ZNF146: variants seen among roughly 807,000 people sequenced by gnomAD.
The protein encoded by ZNF146 is zinc finger protein OZF.
Under a neutral mutation model 22.2 loss-of-function variants are expected in ZNF146, and 9 were observed. The ratio of observed to expected loss-of-function variants is 0.41; its 90% CI spans 0.24 to 0.71. The LOEUF (loss-of-function observed/expected upper bound fraction) is 0.71. Among genes scored for constraint, ZNF146 ranks in the 30% least tolerant of loss-of-function variants. The probability of loss-of-function intolerance (pLI) is 0.34; values close to 1 mark genes in which losing one functional copy is unlikely to be tolerated. For synonymous variants in ZNF146, 108 were observed against 119.2 expected (o/e 0.91, Z 0.61); for missense variants, 194 against 344.8 (o/e 0.56, Z 3.46).
intron 2 of ZNF146, among the ~76,000 whole-genome samples, chr19:36,218,734 C>T (rs144066199): frequency 0.058 from 8,760 of 150,992 alleles, 337 homozygotes; most frequent in Non-Finnish European, 0.086. Flanking sequence ...CTCCCAAAGT[C>T]CTGGCATTAC....
intron 2 of ZNF146, among the ~76,000 whole-genome samples, chr19:36,228,158 C>CAAAA (rs71171422): frequency 5.6e-5 from 6 of 106,628 alleles, no homozygotes; most frequent in Admixed American, 1.9e-4. Context: ...GAAACTGTCT[C>CAAAA]AAAAAAAAAA....
intron 2 of ZNF146, among the ~76,000 whole-genome samples, chr19:36,226,772 A>G (rs192987907): frequency 6.6e-6 from 1 of 152,310 alleles, no homozygotes; most frequent in African/African-American, 2.4e-5. Context: ...TCATCCCAAT[A>G]ATGTCTGCTA....
At chr19:36,221,283 G>GC (rs1976823602) in intron 2 of ZNF146, among the ~76,000 whole-genome samples, 1 of 125,300 alleles carries the variant, frequency 8.0e-6, no homozygotes, top group Non-Finnish European at 1.7e-5. Context: ...TTAAGGGACT[G>GC]CTTTTTTTTT....
In ZNF146 at chr19:36,236,641, T is replaced by C. The variant is rs1568437837; in HGVS notation, c.201T>C (p.Thr67=). The part of the protein sequence containing the change: ...QYVIKHQNTH[T]GEKLFECNEC... ...TCATTAAACATCAGAACACCCATAC[T>C]GGCGAGAAGCTTTTCGAATGTAATG... is the stretch of plus-strand genomic sequence containing the variant. Residue 67 remains threonine, a synonymous_variant, in exon 4 of 4, where the codon ACT becomes ACC. Coordinates refer to ENST00000443387, the MANE Select transcript of ZNF146 (RefSeq NM_007145.3). 6.2e-7 allele frequency: 1 copy of C among 1,614,206 alleles called. No individual in the cohort carries two copies. The highest frequency in any genetic ancestry group is 8.5e-7 in the Non-Finnish European group (1 of 1,180,034).
chr19:36,221,927 CTTTTTT>C (rs60347994), intron 2 of ZNF146, among the ~76,000 whole-genome samples: 128 of 109,894 alleles, frequency 1.2e-3, no homozygotes, highest in Middle Eastern at 0.013. Context: ...TTTTTTCTTT[CTTTTTT>C]TTTTTTTTTT....
At chr19:36,220,899 C>T (rs1159043142) in intron 2 of ZNF146, among the ~76,000 whole-genome samples, 4 of 149,594 alleles carry the variant, frequency 2.7e-5, no homozygotes, top group Non-Finnish European at 5.9e-5. Context: ...TTGCCCAGGG[C>T]AGAGTGCAGT....
chr19:36,223,752 G>A (rs955423514), intron 2 of ZNF146, among the ~76,000 whole-genome samples: 3 of 151,570 alleles, frequency 2.0e-5, no homozygotes, highest in African/African-American at 7.3e-5. Context: ...GTTTTTTGTT[G>A]TTTGATTGTT....
At chr19:36,219,812 C>T (rs539918833) in intron 2 of ZNF146, among the ~76,000 whole-genome samples, 9 of 152,012 alleles carry the variant, frequency 5.9e-5, no homozygotes, top group Admixed American at 2.6e-4. Context: ...GTAGTCTATA[C>T]GTTAAGAGAA....
At chr19:36,218,358 G>C (rs965760249) in intron 2 of ZNF146, among the ~76,000 whole-genome samples, 163 bp downstream of exon 2, 98 of 151,828 alleles carry the variant, frequency 6.5e-4, no homozygotes, top group African/African-American at 2.3e-3. Flanking sequence ...TTAAATACTA[G>C]TACTTTTTAT....
In ZNF146 at chr19:36,233,810, A is replaced by G. The variant is rs190653169; in HGVS notation, c.-782-1849A>G. ...ATATACAATCCAGCTTTACACGGAGACATTCCATTGCCCAGGGAAGAGCAG... is the reference window on the plus strand; with the variant it reads ...ATATACAATCCAGCTTTACACGGAGGCATTCCATTGCCCAGGGAAGAGCAG... On this transcript the variant is annotated intron_variant, in intron 3 of 3. Coordinates refer to ENST00000443387, the MANE Select transcript of ZNF146 (RefSeq NM_007145.3). Among the ~76,000 whole-genome samples the G allele has an allele frequency of 1.5e-3, 224 of 152,290 alleles. 1 individual carries two copies. In the Middle Eastern group the frequency reaches 0.027, roughly 18 times the overall value.
chr19:36,219,188 C>T (rs1028024548), intron 2 of ZNF146, among the ~76,000 whole-genome samples: 2 of 152,074 alleles, frequency 1.3e-5, no homozygotes, highest in African/African-American at 4.8e-5. Flanking sequence ...GAGATGGGGT[C>T]TCACTCTGGC....
rs1242158411 is a variant in ZNF146 at position 36,223,529 on chromosome 19, AT to A, written c.-854-5213del. Among the ~76,000 whole-genome samples, 5 of 151,588 alleles carry A rather than the reference AT, an allele frequency of 3.3e-5. No homozygotes were observed. The South Asian group carries it at 8.3e-4, about 25-fold the overall frequency. On this transcript the variant is annotated intron_variant, in intron 2 of 3. Transcript: ENST00000443387. ...AGGCGCATGCCACCACGCCTGGTTA[AT>A]TTTTTCGTATTTTTAGTAGAGACGG...
intron 1 of ZNF146, among the ~76,000 whole-genome samples, chr19:36,217,089 GTCTC>G (rs980258968): frequency 9.3e-6 from 1 of 107,668 alleles, no homozygotes; most frequent in South Asian, 3.5e-4. Context: ...TTGAGATGGA[GTCTC>G]TCTCTCTTGC....
In ZNF146 at chr19:36,237,077, G is replaced by A; in HGVS notation, c.637G>A (p.Glu213Lys). Residue 213 changes from glutamate to lysine, a missense_variant, in exon 4 of 4, where the codon GAA becomes AAA. By Grantham distance (56) the Glu-to-Lys change is moderately conservative (BLOSUM62 1). Coordinates refer to ENST00000443387, the MANE Select transcript of ZNF146 (RefSeq NM_007145.3). ...VRIHSGDKPY[E>K]CNVCGKAFSQ... ...GATTCATTCAGGTGATAAACCTTACGAATGCAATGTTTGTGGAAAAGCCTT... is the reference window on the plus strand; with the variant it reads ...GATTCATTCAGGTGATAAACCTTACAAATGCAATGTTTGTGGAAAAGCCTT... 3.7e-6 allele frequency: 6 copies of A among 1,614,126 alleles called. No individual in the cohort carries two copies. Among genetic ancestry groups the A allele is most frequent in the Non-Finnish European group, 5.1e-6 (6 of 1,180,020 alleles).
Position 36,215,159 on chromosome 19 carries a change from A to C in ZNF146, c.-966A>C, listed in dbSNP as rs1198969896. Reference sequence around the variant, plus strand: ...ACATTTTGGTCTTTGTCCGCGGGTCAGTACGGCCCCTGGGTCCACGTGGCG... The same window carrying C: ...ACATTTTGGTCTTTGTCCGCGGGTCCGTACGGCCCCTGGGTCCACGTGGCG... On this transcript the variant is annotated 5_prime_UTR_variant, in exon 1 of 4. Coordinates refer to ENST00000443387, the MANE Select transcript of ZNF146 (RefSeq NM_007145.3). The C allele has an allele frequency of 6.6e-6, 1 of 152,210 alleles. No individual in the cohort carries two copies. Among genetic ancestry groups the C allele is most frequent in the Admixed American group, 6.6e-5 (1 of 15,266 alleles). The allele number at this position is 152,210 out of a possible 1,614,324, so 9.4% of individuals were successfully genotyped here. A position where few individuals can be genotyped will look rare whatever the true frequency, so the allele number is the denominator to read the frequency against.
chr19:36,225,649 G>A (rs535998038), intron 2 of ZNF146, among the ~76,000 whole-genome samples: 2 of 150,292 alleles, frequency 1.3e-5, no homozygotes, highest in Admixed American at 6.6e-5. Flanking sequence ...TGCTAAGCAC[G>A]CTGGTCTTGA....
At chr19:36,222,671 G>A (rs979814106) in intron 2 of ZNF146, among the ~76,000 whole-genome samples, 1 of 151,674 alleles carries the variant, frequency 6.6e-6, no homozygotes, top group Non-Finnish European at 1.5e-5. Context: ...TATTAATCTA[G>A]GAACTGTCTA....
In ZNF146 at chr19:36,238,446, T is replaced by C. The variant is rs1977725630; in HGVS notation, c.*1127T>C. The C allele has an allele frequency of 6.0e-6, 1 of 167,058 alleles. No individual in the cohort carries two copies. The highest frequency in any genetic ancestry group is 2.4e-5 in the African/African-American group (1 of 41,442). The allele number at this position is 167,058 out of a possible 1,614,324, so 10.3% of individuals were successfully genotyped here. A position where few individuals can be genotyped will look rare whatever the true frequency, so the allele number is the denominator to read the frequency against. On this transcript the variant is annotated 3_prime_UTR_variant, in exon 4 of 4. Coordinates refer to ENST00000443387, the MANE Select transcript of ZNF146 (RefSeq NM_007145.3). ...GTATTGGTTAAAGGGGACTTCAGCT[T>C]TTTATATAAACATCCACTTCTCTTT...
intron 2 of ZNF146, among the ~76,000 whole-genome samples, chr19:36,219,965 T>C (rs890620598): frequency 6.6e-6 from 1 of 152,228 alleles, no homozygotes; most frequent in African/African-American, 2.4e-5. Flanking sequence ...AACATCATCC[T>C]AAAGTTGTGT....
Sources: allele counts gnomAD v4.1 joint callset (sites outside exome capture counted in the v4.1 genomes callset), GRCh38; gene constraint gnomAD v4.1.1; transcripts MANE v1.5; gene names NCBI Gene and HGNC (gene_info 2026-07-23, HGNC 2026-07-21).